The following NEGR1 variants were observed in gnomAD, a reference collection of about 807,000 sequenced individuals.
NEGR1 encodes neuronal growth regulator 1.
NEGR1 carries 10 observed loss-of-function variants against 40.9 expected under a neutral mutation model. The ratio of observed to expected loss-of-function variants is 0.24; its 90% CI spans 0.15 to 0.42. The LOEUF is 0.42. Ranked by LOEUF, NEGR1 falls within the 10% of genes least tolerant of loss-of-function variation. The pLI is 1.00. For synonymous variants in NEGR1, 185 were observed against 166.8 expected (o/e 1.11, Z -0.84); for missense variants, 352 against 438.9 (o/e 0.80, Z 1.77).
rs148092575 is a variant in NEGR1 at position 71,933,512 on chromosome 1, G to A, written c.409+1567C>T. Among the ~76,000 whole-genome samples the A allele has an allele frequency of 3.5e-3, 527 of 152,034 alleles. 6 individuals carry two copies. The highest frequency in any genetic ancestry group is 0.012 in the African/African-American group (505 of 41,524). ...TTTCACATAATGAAAATCTTTTAGA[G>A]TCTTTGAGCTAGAAACTCAAGTCAA... is the stretch of plus-strand genomic sequence containing the variant. On this transcript the variant is annotated intron_variant, in intron 2 of 6. Coordinates refer to ENST00000357731, the MANE Select transcript of NEGR1 (RefSeq NM_173808.3).
intron 1 of NEGR1, among the ~76,000 whole-genome samples, chr1:72,262,436 A>G (rs1035638919): frequency 1.3e-5 from 2 of 151,982 alleles, no homozygotes; most frequent in African/African-American, 4.8e-5. Flanking sequence ...GTCCTTATTA[A>G]AAACTATTTT....
At chr1:72,174,803 T>C (rs535213212) in intron 1 of NEGR1, among the ~76,000 whole-genome samples, 1 of 152,060 alleles carries the variant, frequency 6.6e-6, no homozygotes, top group Non-Finnish European at 1.5e-5. Flanking sequence ...TCTATAACAT[T>C]GTATTATCAC....
intron 1 of NEGR1, among the ~76,000 whole-genome samples, chr1:71,977,640 T>G (rs1646317202): frequency 1.3e-5 from 2 of 152,022 alleles, no homozygotes; most frequent in Non-Finnish European, 2.9e-5. Flanking sequence ...AAAAAATATA[T>G]ATGCAATTTG....
intron 2 of NEGR1, among the ~76,000 whole-genome samples, chr1:71,931,605 C>G (rs1035961992): frequency 3.2e-4 from 49 of 152,172 alleles, no homozygotes; most frequent in African/African-American, 1.1e-3. Context: ...AACAAACCCA[C>G]TCTCACAACA....
chr1:71,618,299 T>C (rs1331028861), intron 4 of NEGR1, among the ~76,000 whole-genome samples: 2 of 152,294 alleles, frequency 1.3e-5, no homozygotes. Context: ...ACTTTGTCCC[T>C]GCCAGAAAAG....
intron 1 of NEGR1, among the ~76,000 whole-genome samples, chr1:72,188,487 T>C (rs2100424432): frequency 6.6e-6 from 1 of 151,662 alleles, no homozygotes; most frequent in African/African-American, 2.4e-5. Context: ...GAGCCTATAC[T>C]TTTAAAAATG....
chr1:71,538,406 A>G (rs576015594), intron 6 of NEGR1, among the ~76,000 whole-genome samples: 1 of 151,832 alleles, frequency 6.6e-6, no homozygotes, highest in Admixed American at 6.6e-5. Flanking sequence ...GTTATCTTTT[A>G]GACTGTTGAG....
At chr1:71,711,050 T>C (rs1445757158) in intron 3 of NEGR1, among the ~76,000 whole-genome samples, 1 of 151,776 alleles carries the variant, frequency 6.6e-6, no homozygotes, top group Admixed American at 6.6e-5. Context: ...AAATTTTAAA[T>C]GGCCAAAATA....
intron 5 of NEGR1, among the ~76,000 whole-genome samples, chr1:71,597,142 A>G (rs572185285): frequency 1.2e-3 from 176 of 152,308 alleles, no homozygotes; most frequent in Non-Finnish European, 2.1e-3. Context: ...AGCTCAAATT[A>G]AAACAAAAGA....
intron 1 of NEGR1, among the ~76,000 whole-genome samples, chr1:72,031,706 A>G (rs188430744): frequency 3.0e-4 from 45 of 152,270 alleles, no homozygotes; most frequent in Non-Finnish European, 6.0e-4. Context: ...GAGAGATTCT[A>G]GTACTTGCAT....
intron 1 of NEGR1, among the ~76,000 whole-genome samples, chr1:72,248,575 T>TTTATTTATTA (rs1553153653): frequency 6.7e-4 from 89 of 132,962 alleles, no homozygotes; most frequent in African/African-American, 7.1e-4. Flanking sequence ...TCTATTTTTA[T>TTTATTTATTA]TTATTATTAT....
chr1:71,544,941 A>G (rs1647838344), intron 6 of NEGR1, among the ~76,000 whole-genome samples: 1 of 151,698 alleles, frequency 6.6e-6, no homozygotes, highest in Non-Finnish European at 1.5e-5. Flanking sequence ...CCTAAAACTG[A>G]GATGAGTATT....
intron 1 of NEGR1, among the ~76,000 whole-genome samples, chr1:72,019,310 T>G (rs1389228728): frequency 6.6e-6 from 1 of 152,206 alleles, no homozygotes; most frequent in African/African-American, 2.4e-5. Flanking sequence ...GTTAATCATA[T>G]GGACACAGCA....
intron 4 of NEGR1, among the ~76,000 whole-genome samples, chr1:71,630,146 T>C (rs1031522462): frequency 5.3e-5 from 8 of 152,020 alleles, no homozygotes; most frequent in Non-Finnish European, 7.4e-5. Flanking sequence ...GAAGAATTTA[T>C]TGGACTAAAA....
intron 2 of NEGR1, among the ~76,000 whole-genome samples, chr1:71,898,580 A>C (rs1333706959): frequency 6.6e-6 from 1 of 152,096 alleles, no homozygotes; most frequent in Non-Finnish European, 1.5e-5. Flanking sequence ...GTGCCACTGC[A>C]CTCCAGCCTG....
rs1454816359 is a variant in NEGR1, at chr1:71,870,907, G to T, written c.409+64172C>A. Among the ~76,000 whole-genome samples the T allele has an allele frequency of 3.3e-5, 5 of 152,314 alleles. No individual in the cohort carries two copies. In the East Asian group the frequency reaches 9.6e-4, roughly 29 times the overall value. The stretch of plus-strand genomic sequence containing the variant: ...AAAATGCAATAAACTGCAAGATTTT[G>T]TATGTGCCTTGCCTTAGCAGAGTTT... On this transcript the variant is annotated intron_variant, in intron 2 of 6. Transcript: ENST00000357731.
chr1:72,106,607 C>G (rs898348826), intron 1 of NEGR1, among the ~76,000 whole-genome samples: 2 of 151,904 alleles, frequency 1.3e-5, no homozygotes, highest in Non-Finnish European at 2.9e-5. Context: ...TTAAAAATGA[C>G]AGATTACAAA....
At chr1:71,419,778 G>A (rs1029248315) in intron 6 of NEGR1, among the ~76,000 whole-genome samples, 3 of 151,856 alleles carry the variant, frequency 2.0e-5, no homozygotes, top group Non-Finnish European at 4.4e-5. Context: ...AGACTCTATT[G>A]CTGCCTAAGA....
chr1:72,140,246 T>TTGC (rs1553144570), intron 1 of NEGR1, among the ~76,000 whole-genome samples: 2 of 151,872 alleles, frequency 1.3e-5, no homozygotes, highest in African/African-American at 4.8e-5. Flanking sequence ...GTTGTTGTTG[T>TTGC]TGTTGTTACA....
Sources: allele counts gnomAD v4.1 joint callset (sites outside exome capture counted in the v4.1 genomes callset), GRCh38; gene constraint gnomAD v4.1.1; transcripts MANE v1.5; gene names NCBI Gene and HGNC (gene_info 2026-07-23, HGNC 2026-07-21).